NRXN1: variants seen among roughly 807,000 people sequenced by gnomAD.
The protein encoded by NRXN1 is neurexin 1.
Under a neutral mutation model 150.9 loss-of-function variants are expected in NRXN1, and 39 were observed. That is an observed-to-expected ratio of 0.26 (90% confidence interval 0.20 to 0.34). NRXN1 has a LOEUF of 0.34. NRXN1 is among the 10% of genes least tolerant of loss of function. The pLI is 1.00. For synonymous variants in NRXN1, 924 were observed against 757.0 expected, an observed-to-expected ratio of 1.22 and a Z score of -3.62; for missense variants, 1,815 against 1,949.9, an observed-to-expected ratio of 0.93 and a Z score of 1.30.
chr2:50,783,829 G>GCC (rs1311030681), intron 5 of NRXN1, among the ~76,000 whole-genome samples: 2 of 152,066 alleles, frequency 1.3e-5, no homozygotes, highest in Non-Finnish European at 2.9e-5. Context: ...GCTTTGACAG[G>GCC]AATTATAGGA....
chr2:50,286,362 CAT>C lies in NRXN1; in HGVS notation c.3365-49394_3365-49393del, dbSNP rs58667247. ...CTGAGATCAACTTTTTTCGAATCAA[CAT>C]ATGAGTGAGATCATGTAGTATTCTT... On this transcript the variant is annotated intron_variant, in intron 17 of 22. Coordinates refer to ENST00000401669, the MANE Select transcript of NRXN1 (RefSeq NM_001330078.2). 7.1e-3 allele frequency among the ~76,000 whole-genome samples: 1,088 copies of C among 152,236 alleles called. 11 individuals are homozygous for C. Among genetic ancestry groups the C allele is most frequent in the African/African-American group, 0.025 (1,047 of 41,560 alleles).
At chr2:50,611,972 T>C (rs1678225551) in intron 8 of NRXN1, among the ~76,000 whole-genome samples, 1 of 152,208 alleles carries the variant, frequency 6.6e-6, no homozygotes, top group Admixed American at 6.5e-5. Flanking sequence ...TTCTGTTTTC[T>C]TTTCCCTAAA....
intron 17 of NRXN1, among the ~76,000 whole-genome samples, chr2:50,395,772 G>A (rs2082015431): frequency 6.6e-6 from 1 of 152,116 alleles, no homozygotes; most frequent in South Asian, 2.1e-4. Context: ...AACTAAGTGA[G>A]TCAGACAACT....
At chr2:50,393,189 A>G (rs976159869) in intron 17 of NRXN1, among the ~76,000 whole-genome samples, 2 of 151,954 alleles carry the variant, frequency 1.3e-5, no homozygotes, top group East Asian at 1.9e-4. Flanking sequence ...ATAATAAAAC[A>G]TATGTATACT....
Position 50,465,557 on chromosome 2 carries a change from G to A in NRXN1, c.3249C>T (p.Pro1083=), listed in dbSNP as rs116236999. ...ATGAGTCCTCTTGGCAGGTTGTGCT[G>A]GGCCCTGCAAAACAATCCAAAGGAA... ...NGQIERGCEG[P]STTCQEDSCS... is the part of the protein sequence containing the mutation. The change falls in exon 17 of 23, where the codon CCC becomes CCT. Residue 1083 remains proline, a synonymous_variant. Transcript: ENST00000401669. The A allele has an allele frequency of 1.0e-3, 1,610 of 1,606,518 alleles. 15 individuals carry two copies. The African/African-American group carries it at 0.018, about 18-fold the overall frequency.
chr2:50,423,736 A>G lies in NRXN1; in HGVS notation c.3364+41706T>C, dbSNP rs1015729745. On this transcript the variant is annotated intron_variant, in intron 17 of 22. Transcript: ENST00000401669. ...GTGATGGAGAGACACATGATAAAGC[A>G]TCAGATAGTATCATTATTCACTGTT... Among the ~76,000 whole-genome samples the G allele has an allele frequency of 2.0e-5, 3 of 152,126 alleles. No homozygotes were observed. In the South Asian group the frequency reaches 6.2e-4, roughly 32 times the overall value.
chr2:50,832,886 T>C (rs1380204613), intron 5 of NRXN1, among the ~76,000 whole-genome samples: 2 of 152,172 alleles, frequency 1.3e-5, no homozygotes, highest in Non-Finnish European at 2.9e-5. Flanking sequence ...TGTGAAAGGA[T>C]AGACTGAGAG....
intron 5 of NRXN1, among the ~76,000 whole-genome samples, chr2:50,678,859 A>C (rs557978267): frequency 6.6e-6 from 1 of 152,136 alleles, no homozygotes; most frequent in African/African-American, 2.4e-5. Context: ...TAGAACCCAT[A>C]AGTTATATTT....
intron 5 of NRXN1, among the ~76,000 whole-genome samples, chr2:50,804,468 G>C (rs1157534958): frequency 6.6e-6 from 1 of 152,156 alleles, no homozygotes; most frequent in Non-Finnish European, 1.5e-5. Context: ...ACACATGTCA[G>C]AGCCAAGATT....
intron 22 of NRXN1, chr2:49,926,238 A>T (rs1003586020): frequency 7.5e-6 from 3 of 397,750 alleles, no homozygotes; most frequent in African/African-American, 6.2e-5. Flanking sequence ...CATTTAGCCA[A>T]ATGGCTATAG....
chr2:50,204,695 C>T (rs538698337), intron 18 of NRXN1, among the ~76,000 whole-genome samples: 14 of 152,090 alleles, frequency 9.2e-5, no homozygotes, highest in East Asian at 3.9e-4. Flanking sequence ...ATGTGTGTGA[C>T]TTCATATATG....
At chr2:50,356,277 T>C (rs1277181977) in intron 17 of NRXN1, among the ~76,000 whole-genome samples, 1 of 152,168 alleles carries the variant, frequency 6.6e-6, no homozygotes, top group Non-Finnish European at 1.5e-5. Context: ...AGACTAGCTA[T>C]AAGAGTTGGA....
intron 22 of NRXN1, among the ~76,000 whole-genome samples, chr2:49,927,336 A>G (rs1383861698): frequency 6.6e-6 from 1 of 152,214 alleles, no homozygotes; most frequent in Non-Finnish European, 1.5e-5. Context: ...AATTTAAAAG[A>G]CTTTTGTGAT....
chr2:50,548,251 A>G (rs2093537461), intron 9 of NRXN1: 1 of 152,158 alleles, frequency 6.6e-6, no homozygotes, highest in Non-Finnish European at 1.5e-5. Context: ...CTCAAGACCA[A>G]GAAGGGACAG....
intron 13 of NRXN1, 135 bp downstream of exon 13, chr2:50,506,360 G>GA (rs570861560): frequency 5.5e-6 from 4 of 728,332 alleles, no homozygotes; most frequent in Admixed American, 3.6e-5. Flanking sequence ...ATAGTTACTA[G>GA]AAAAAAATAG....
intron 2 of NRXN1, among the ~76,000 whole-genome samples, chr2:51,004,847 A>C (rs1442157630): frequency 2.6e-5 from 4 of 151,980 alleles, no homozygotes; most frequent in African/African-American, 9.7e-5. Context: ...AATAGAAAGA[A>C]AAGTGTGCTT....
At chr2:50,693,414 T>C (rs1248430516) in intron 5 of NRXN1, among the ~76,000 whole-genome samples, 1 of 152,132 alleles carries the variant, frequency 6.6e-6, no homozygotes, top group Non-Finnish European at 1.5e-5. Flanking sequence ...TCCTGACTTC[T>C]TGGAGGTGTT....
At chr2:50,489,271 T>C (rs1468541693) in intron 15 of NRXN1, among the ~76,000 whole-genome samples, 1 of 152,190 alleles carries the variant, frequency 6.6e-6, no homozygotes, top group Non-Finnish European at 1.5e-5. Context: ...CCCAGGGCTT[T>C]ATGCATCTGC....
Position 50,506,593 on chromosome 2 carries a change from G to C in NRXN1, c.2399C>G (p.Ala800Gly). The C allele has an allele frequency of 5.6e-6, 9 of 1,613,286 alleles. No homozygotes were observed. Among genetic ancestry groups the C allele is most frequent in the Non-Finnish European group, 7.6e-6 (9 of 1,179,504 alleles). The change falls in exon 13 of 23, where the codon GCT (alanine) becomes GGT (glycine). Residue 800 changes from alanine to glycine, a missense_variant. Physicochemically the swap from Ala to Gly is moderately conservative, Grantham distance 60. Around this residue, in one of 6 missense-constraint regions of NRXN1, gnomAD observed 638 missense variants for 652.6 expected, o/e 0.98. Coordinates refer to ENST00000401669, the MANE Select transcript of NRXN1 (RefSeq NM_001330078.2). ...NSSKGPETLF[A>G]GYNLNDNEWH... ...CTCGTTATCATTGAGGTTATAGCCA[G>C]CAAAAAGAGTCTCGGGACCTTTGCC...
Sources: allele counts gnomAD v4.1 joint callset (sites outside exome capture counted in the v4.1 genomes callset), GRCh38; gene constraint gnomAD v4.1.1; regional missense constraint gnomAD v4.1.1; transcripts MANE v1.5; gene names NCBI Gene and HGNC (gene_info 2026-07-23, HGNC 2026-07-21).